Variants in VWDE observed in about 807,000 individuals in gnomAD.
The protein encoded by VWDE is von Willebrand factor D and EGF domains.
VWDE carries 207 observed loss-of-function variants against 178.4 expected under a neutral mutation model. The observed-to-expected ratio is 1.16, with a 90% CI of 1.04 to 1.30. VWDE has a LOEUF of 1.30. VWDE is among the 50% of genes most tolerant of loss of function. The probability of loss-of-function intolerance (pLI) is 0.00; values close to 1 mark genes in which losing one functional copy is unlikely to be tolerated. For synonymous variants in VWDE, 738 were observed against 651.4 expected (o/e 1.13, Z -2.02); for missense variants, 2,287 against 1,901.3 (o/e 1.20, Z -3.77).
intron 19 of VWDE, among the ~76,000 whole-genome samples, chr7:12,345,029 T>C (rs1344448271): frequency 1.3e-5 from 2 of 152,142 alleles, no homozygotes; most frequent in South Asian, 2.1e-4. Flanking sequence ...TTTTCTCATC[T>C]GTATAATGGG....
chr7:12,331,992 G>T (rs1163741445), intron 28 of VWDE, among the ~76,000 whole-genome samples: 1 of 151,918 alleles, frequency 6.6e-6, no homozygotes, highest in South Asian at 2.1e-4. Flanking sequence ...ACTATCTCAG[G>T]TTGCCTGAGG....
In VWDE at chr7:12,370,357, CA is replaced by C; in HGVS notation, c.1948del (p.Cys650AlafsTer12). The C allele has an allele frequency of 6.4e-7, 1 of 1,551,062 alleles. No homozygotes were observed. The highest frequency in any genetic ancestry group is 8.7e-7 in the Non-Finnish European group (1 of 1,146,830). ...SVSRSEIALG[C>X]KDLNHVSLSS... is the part of the protein sequence containing the mutation. ...TAAGCTGACATGATTGAGGTCTTTG[CA>C]ACCCAAGGCAATTTCTGATCGAGAA... On this transcript the variant is annotated frameshift_variant, in exon 12 of 29. Transcript: ENST00000275358. LOFTEE classifies it high-confidence loss of function.
At chr7:12,373,860 G>A (rs994090212) in intron 9 of VWDE, among the ~76,000 whole-genome samples, 17 of 152,184 alleles carry the variant, frequency 1.1e-4, no homozygotes, top group African/African-American at 3.9e-4. Context: ...CCACTAAAAT[G>A]TCTAAGCTTT....
chr7:12,389,209 G>C lies in VWDE; in HGVS notation c.393C>G (p.Ile131Met), dbSNP rs1478792072. ...STTKDCCLFQ[I>M]PVSVRNCGNF... ...TCCCACAGTTTCTTACAGACACTGG[G>C]ATTTGAAAGAGACAGCAGTCTTTTG... The change falls in exon 3 of 29, where the codon ATC becomes ATG. Residue 131 changes from isoleucine to methionine, a missense_variant. Ile to Met is a conservative substitution (Grantham distance 10). Transcript: ENST00000275358. 2.6e-6 allele frequency: 4 copies of C among 1,551,784 alleles called. No homozygotes were observed. The highest frequency in any genetic ancestry group is 3.5e-6 in the Non-Finnish European group (4 of 1,147,004).
At chr7:12,373,739 A>G (rs1158763707) in intron 9 of VWDE, among the ~76,000 whole-genome samples, 1 of 152,046 alleles carries the variant, frequency 6.6e-6, no homozygotes, top group Non-Finnish European at 1.5e-5. Context: ...TGTTTTGTTC[A>G]CTGCCATACC....
Position 12,361,193 on chromosome 7 carries a change from G to T in VWDE, c.3113C>A (p.Ala1038Asp), listed in dbSNP as rs1363708602. ...NPKITVIYDGACQVCGLYKND... is the reference protein window; with the variant it reads ...NPKITVIYDGDCQVCGLYKND... ...TTTATAGAGACCACAAACTTGGCAA[G>T]CACCATCATATATGACCGTTATTTT... Residue 1038 changes from alanine to aspartate, a missense_variant, in exon 15 of 29, where the codon GCT (alanine) becomes GAT (aspartate). By Grantham distance (126) the Ala-to-Asp change is moderately radical. Transcript: ENST00000275358. 18 of 1,547,480 alleles carry T rather than the reference G, an allele frequency of 1.2e-5. No individual in the cohort carries two copies. The highest frequency in any genetic ancestry group is 1.6e-5 in the Non-Finnish European group (18 of 1,143,724).
intron 15 of VWDE, among the ~76,000 whole-genome samples, chr7:12,360,183 A>T (rs900767359): frequency 6.6e-6 from 1 of 152,198 alleles, no homozygotes; most frequent in Non-Finnish European, 1.5e-5. Flanking sequence ...ATATCATTAC[A>T]CCAAACATTT....
At chr7:12,337,404 A>G (rs1159467997) in intron 24 of VWDE, 132 bp from the exon 25 acceptor site, 1 of 795,536 alleles carries the variant, frequency 1.3e-6, no homozygotes, top group Non-Finnish European at 2.1e-6. Flanking sequence ...AAGATCACTC[A>G]TTAAACCTGT....
chr7:12,361,564 G>A, intron 13 of VWDE, 43 bp from the exon 14 acceptor site: 31 of 1,445,944 alleles, frequency 2.1e-5, no homozygotes, highest in East Asian at 5.2e-5. Flanking sequence ...GTTAAATTAT[G>A]GAAATATTTT....
Position 12,367,500 on chromosome 7 carries a change from A to G in VWDE, c.2762-7T>C, listed in dbSNP as rs1782927810. On this transcript the variant is annotated splice_polypyrimidine_tract_variant and splice_region_variant and intron_variant, in intron 12 of 28. Transcript: ENST00000275358. ...GTAATTTCAGGAGCTTTGTCTTTGG[A>G]AAAAAAATATAACAAATACTACATA... The G allele has an allele frequency of 6.8e-7, 1 of 1,476,088 alleles. No individual in the cohort carries two copies. Among genetic ancestry groups the G allele is most frequent in the African/African-American group, 1.4e-5 (1 of 69,386 alleles). The allele number at this position is 1,476,088 out of a possible 1,614,324, so 91.4% of individuals were successfully genotyped here.
intron 1 of VWDE, among the ~76,000 whole-genome samples, chr7:12,401,476 T>A (rs1245452754): frequency 6.6e-6 from 1 of 152,180 alleles, no homozygotes; most frequent in Non-Finnish European, 1.5e-5. Flanking sequence ...TACTCATTTT[T>A]TAAAATGGCA....
intron 3 of VWDE, among the ~76,000 whole-genome samples, chr7:12,383,968 C>G (rs1409478310): frequency 6.6e-6 from 1 of 152,114 alleles, no homozygotes; most frequent in East Asian, 1.9e-4. Context: ...ACTAAACATA[C>G]TCTTAGCATA....
At position 12,344,188 on chromosome 7, in the gene VWDE, T is replaced by G; in HGVS notation, c.4078+7A>C. The G allele has an allele frequency of 1.3e-6, 2 of 1,549,858 alleles. No homozygotes were observed. Among genetic ancestry groups the G allele is most frequent in the South Asian group, 2.4e-5 (2 of 83,912 alleles). ...CCTTATATTTGATTTTTAATTTGAATTATCACCTTCATCACAGGTTGCTCC... is the reference window on the plus strand; with the variant it reads ...CCTTATATTTGATTTTTAATTTGAAGTATCACCTTCATCACAGGTTGCTCC... On this transcript the variant is annotated splice_region_variant and intron_variant, in intron 21 of 28. Coordinates refer to ENST00000275358, the MANE Select transcript of VWDE (RefSeq NM_001135924.3).
At position 12,355,361 on chromosome 7, in the gene VWDE, A is replaced by C. The variant is rs766109468; in HGVS notation, c.3745+750T>G. 1.5e-3 allele frequency among the ~76,000 whole-genome samples: 231 copies of C among 151,302 alleles called. 2 individuals are homozygous for C. The highest frequency in any genetic ancestry group is 1.5e-3 in the Non-Finnish European group (100 of 67,896). The stretch of plus-strand genomic sequence containing the variant: ...AACCCAGGAGGCGGAGCTTGCAGTG[A>C]GCTGAGACGGCGCCACTGCACTCCA... On this transcript the variant is annotated intron_variant, in intron 18 of 28. Transcript: ENST00000275358.
At position 12,374,706 on chromosome 7, in the gene VWDE, T is replaced by A. The variant is rs1470511654; in HGVS notation, c.1299A>T (p.Ile433=). Residue 433 remains isoleucine, a synonymous_variant, in exon 9 of 29, where the codon ATA becomes ATT. Transcript: ENST00000275358. ...AAAATTACCTGCCATCAAATGTAAT[T>A]ATATGTGGGTCAGTAAATGTATAGC... ...AYCYTFTDPH[I]ITFDGRVYDN... The A allele has an allele frequency of 2.0e-6, 3 of 1,536,278 alleles. No homozygotes were observed. Among genetic ancestry groups the A allele is most frequent in the Non-Finnish European group, 2.6e-6 (3 of 1,141,444 alleles).
At chr7:12,372,762 T>A (rs1484082008) in intron 10 of VWDE, among the ~76,000 whole-genome samples, 1 of 152,142 alleles carries the variant, frequency 6.6e-6, no homozygotes, top group East Asian at 1.9e-4. Context: ...GCTGAAATGT[T>A]AAATAAGGCA....
intron 10 of VWDE, among the ~76,000 whole-genome samples, chr7:12,371,341 A>G (rs1476433085): frequency 6.6e-6 from 1 of 152,154 alleles, no homozygotes; most frequent in Admixed American, 6.6e-5. Context: ...AAGCTAAATT[A>G]TAACTAGAAG....
chr7:12,394,546 A>C (rs565795830), intron 1 of VWDE, among the ~76,000 whole-genome samples: 1 of 152,270 alleles, frequency 6.6e-6, no homozygotes, highest in South Asian at 2.1e-4. Flanking sequence ...ACTTTCCAGC[A>C]CTAAAAGTGG....
intron 27 of VWDE, among the ~76,000 whole-genome samples, chr7:12,335,724 G>A (rs989840419): frequency 6.6e-6 from 1 of 152,150 alleles, no homozygotes; most frequent in Non-Finnish European, 1.5e-5. Flanking sequence ...CAAAGTGCTG[G>A]GATTACAGGC....
Sources: gnomAD v4.1 joint callset for allele counts (sites outside exome capture counted in the v4.1 genomes callset) on GRCh38, gnomAD v4.1.1 for gene constraint, MANE v1.5 for transcripts, NCBI Gene and HGNC (gene_info 2026-07-23, HGNC 2026-07-21) for gene names.